RIF1: variants seen among roughly 807,000 people sequenced by gnomAD.
RIF1 encodes telomere-associated protein RIF1.
In RIF1, 45 loss-of-function variants were observed where a neutral mutation model predicts 247.1. The ratio of observed to expected loss-of-function variants is 0.18; its 90% CI spans 0.14 to 0.23. The LOEUF (loss-of-function observed/expected upper bound fraction) is 0.23, where lower values mean the gene tolerates loss of function less well. RIF1 is among the 10% of genes least tolerant of loss of function. The pLI is 1.00. For synonymous variants in RIF1, 1,087 were observed against 978.8 expected, an observed-to-expected ratio of 1.11 and a Z score of -2.06; for missense variants, 2,967 against 2,862.5, an observed-to-expected ratio of 1.04 and a Z score of -0.83.
At position 151,499,304 on chromosome 2, in the gene RIF1, A is replaced by G. The variant is rs748169663; in HGVS notation, c.*514-41A>G. The G allele has an allele frequency of 1.3e-4, 188 of 1,495,578 alleles. 1 individual carries two copies. The highest frequency in any genetic ancestry group is 1.5e-4 in the Non-Finnish European group (167 of 1,108,804). 92.6% of individuals were successfully genotyped at this position (1,495,578 alleles called of 1,614,324 possible). A position where few individuals can be genotyped will look rare whatever the true frequency, so the allele number is the denominator to read the frequency against. ...ATTTTTTATTTTTAAATACCGAACTAAAGTTTTCTTGATTGTGTTTGACTC... is the reference window on the plus strand; with the variant it reads ...ATTTTTTATTTTTAAATACCGAACTGAAGTTTTCTTGATTGTGTTTGACTC... On this transcript the variant is annotated intron_variant and NMD_transcript_variant, in intron 10 of 13. Transcript: ENST00000454583.
At chr2:151,439,895 C>T in intron 14 of RIF1, 132 bp from the exon 15 acceptor site, 2 of 527,108 alleles carry the variant, frequency 3.8e-6, no homozygotes, top group Non-Finnish European at 6.6e-6. Context: ...ATCGCTTGAA[C>T]CCAGGAAGTG....
At chr2:151,417,004 G>T in intron 6 of RIF1, 103 bp downstream of exon 6, 67 of 790,500 alleles carry the variant, frequency 8.5e-5, no homozygotes, top group East Asian at 1.3e-4. Context: ...TAAAAGGGGG[G>T]AATGTCATTT....
chr2:151,471,858 T>G (rs1164017659), intron 34 of RIF1, among the ~76,000 whole-genome samples: 1 of 152,202 alleles, frequency 6.6e-6, no homozygotes, highest in Admixed American at 6.5e-5. Flanking sequence ...TGCGGGCTCT[T>G]TTTTCGTTGC....
rs537437344 is a variant in RIF1 at position 151,451,726 on chromosome 2, C to T, written c.2344+21C>T. ...TAAATGTAAGTATGTATTTTTTAACCTTTGTTTGTCCAGTATTTCATAAGC... is the reference window on the plus strand; with the variant it reads ...TAAATGTAAGTATGTATTTTTTAACTTTTGTTTGTCCAGTATTTCATAAGC... On this transcript the variant is annotated intron_variant, in intron 21 of 35. Transcript: ENST00000444746. 5.7e-6 allele frequency: 7 copies of T among 1,229,206 alleles called. No individual in the cohort carries two copies. In the South Asian group the frequency reaches 8.4e-5, roughly 15 times the overall value. 76.1% of individuals were successfully genotyped at this position (1,229,206 alleles called of 1,614,324 possible).
chr2:151,482,635 C>T (rs2049215193), downstream of RIF1, among the ~76,000 whole-genome samples: 1 of 152,102 alleles, frequency 6.6e-6, no homozygotes, highest in African/African-American at 2.4e-5. Context: ...ATGTTGATGG[C>T]AGCCGAAGAA....
chr2:151,489,425 G>T (rs1428830355), intron 9 of RIF1, among the ~76,000 whole-genome samples: 1 of 152,108 alleles, frequency 6.6e-6, no homozygotes, highest in Non-Finnish European at 1.5e-5. Context: ...TTGAGACAGG[G>T]TCTCCCTCTG....
At chr2:151,458,294 G>A (rs1342877319) in intron 24 of RIF1, among the ~76,000 whole-genome samples, 1 of 142,372 alleles carries the variant, frequency 7.0e-6, no homozygotes, top group Non-Finnish European at 1.5e-5. Context: ...GTGCAGTGGT[G>A]CGATCTGGGC....
At chr2:151,528,057 A>C in the RIF1 span, among the ~76,000 whole-genome samples, 1 of 152,226 alleles carries the variant, frequency 6.6e-6, no homozygotes, top group Non-Finnish European at 1.5e-5. Context: ...ACTGCATGAA[A>C]TAGACAGCTG....
downstream of RIF1, among the ~76,000 whole-genome samples, chr2:151,509,969 C>T (rs2153225924): frequency 6.6e-6 from 1 of 152,320 alleles, no homozygotes; most frequent in South Asian, 2.1e-4. Context: ...ACCAGGCCAA[C>T]TCAAAATTAC....
chr2:151,416,581 C>T lies in RIF1; in HGVS notation c.301C>T (p.Leu101Phe). The change falls in exon 5 of 36, where the codon CTT (leucine) becomes TTT (phenylalanine). Residue 101 changes from leucine to phenylalanine, a missense_variant. This residue lies in a region of RIF1 where 269 missense variants were observed against 288.6 expected (regional missense o/e 0.93). Coordinates refer to ENST00000444746, the MANE Select transcript of RIF1 (RefSeq NM_018151.5). ...TTCAGAGGCAAATGCTCTAGAATTG[C>T]TTTCAAAATTGAATGATACCATTAA... ...ELSEANALEL[L>F]SKLNDTIKNS... 1 of 1,602,978 alleles carries T rather than the reference C, an allele frequency of 6.2e-7. No homozygotes were observed. The highest frequency in any genetic ancestry group is 8.5e-7 in the Non-Finnish European group (1 of 1,176,594).
At position 151,410,516 on chromosome 2, in the gene RIF1, G is replaced by C; in HGVS notation, c.93G>C (p.Leu31=). Residue 31 remains leucine, a synonymous_variant, in exon 2 of 36, where the codon CTG becomes CTC. Transcript: ENST00000444746. The part of the protein sequence containing the change: ...ASHGGQTDAY[L]TLTSRMTGEE... Reference sequence around the variant, plus strand: ...ATGGAGGGCAGACTGACGCTTACCTGACTCTGACCAGGTGAGGTCCGCCAC... The same window carrying C: ...ATGGAGGGCAGACTGACGCTTACCTCACTCTGACCAGGTGAGGTCCGCCAC... 1 of 1,613,718 alleles carries C rather than the reference G, an allele frequency of 6.2e-7. No individual in the cohort carries two copies. The highest frequency in any genetic ancestry group is 8.5e-7 in the Non-Finnish European group (1 of 1,179,798).
At chr2:151,467,924 C>A in intron 30 of RIF1, 76 bp from the exon 31 acceptor site, 1 of 1,415,952 alleles carries the variant, frequency 7.1e-7, no homozygotes. Flanking sequence ...TTTGGGTAAC[C>A]TCATAATGAA....
chr2:151,516,823 C>T, the RIF1 span, among the ~76,000 whole-genome samples: 1 of 152,124 alleles, frequency 6.6e-6, no homozygotes, highest in South Asian at 2.1e-4. Context: ...TTGACAAGAG[C>T]CAGCTGAGAG....
chr2:151,437,459 G>C, intron 13 of RIF1, 108 bp downstream of exon 13: 1 of 793,136 alleles, frequency 1.3e-6, no homozygotes, highest in Non-Finnish European at 2.1e-6. Flanking sequence ...GGGAGGCCGA[G>C]GTGAGTGGAT....
At chr2:151,443,503 T>TG in intron 17 of RIF1, 26 bp from the exon 18 acceptor site, 1 of 1,528,446 alleles carries the variant, frequency 6.5e-7, no homozygotes, top group Non-Finnish European at 8.8e-7. Context: ...AAAAAGTTGA[T>TG]GCATTTTTTA....
rs1488431292 is a variant in RIF1 at position 151,435,548 on chromosome 2, C to T, written c.1163C>T (p.Pro388Leu). ...QGNSCHVATS[P>L]GLNPMTPVHK... ...AATTCGTGTCATGTAGCTACATCTC[C>T]AGGTTTAAATCCTATGACTCCTGTA... The change falls in exon 11 of 36, where the codon CCA (proline) becomes CTA (leucine). Residue 388 changes from proline to leucine, a missense_variant. Physicochemically the swap from Pro to Leu is moderately conservative, Grantham distance 98 (BLOSUM62 -3). This residue lies in a region of RIF1 where 369 missense variants were observed against 322.0 expected (regional missense o/e 1.15). Transcript: ENST00000444746. 7 of 1,607,378 alleles carry T rather than the reference C, an allele frequency of 4.4e-6. No individual in the cohort carries two copies. Among genetic ancestry groups the T allele is most frequent in the South Asian group, 1.1e-5 (1 of 90,930 alleles).
At chr2:151,435,616 A>T in intron 11 of RIF1, 36 bp downstream of exon 11, 1 of 1,200,496 alleles carries the variant, frequency 8.3e-7, no homozygotes, top group Non-Finnish European at 1.2e-6. Flanking sequence ...TGCTTTTTTA[A>T]TCAGGCTTTG....
At chr2:151,449,094 T>C (rs1284420400) in intron 20 of RIF1, among the ~76,000 whole-genome samples, 1 of 152,214 alleles carries the variant, frequency 6.6e-6, no homozygotes, top group South Asian at 2.1e-4. Flanking sequence ...CTAACTTGAT[T>C]ATTGTTTTTA....
chr2:151,529,239 C>G, the RIF1 span: 8 of 1,613,232 alleles, frequency 5.0e-6, no homozygotes, highest in Non-Finnish European at 6.8e-6. Context: ...GCGTCCTTGG[C>G]TGCTTTGATA....
Sources: allele counts gnomAD v4.1 joint callset (sites outside exome capture counted in the v4.1 genomes callset), GRCh38; gene constraint gnomAD v4.1.1; regional missense constraint gnomAD v4.1.1; transcripts MANE v1.5; gene names NCBI Gene and HGNC (gene_info 2026-07-23, HGNC 2026-07-21).